RANBP17: variants seen among roughly 807,000 people sequenced by gnomAD.
RANBP17 encodes the protein ran-binding protein 17.
A neutral mutation model predicts 141.2 loss-of-function variants in RANBP17; 158 were observed. The observed-to-expected ratio is 1.12, with a 90% CI of 0.98 to 1.28. The LOEUF (loss-of-function observed/expected upper bound fraction) is 1.28, where lower values mean the gene tolerates loss of function less well. Among genes scored for constraint, RANBP17 ranks in the 50% most tolerant of loss-of-function variants. The probability of loss-of-function intolerance (pLI) is 0.00; values close to 1 mark genes in which losing one functional copy is unlikely to be tolerated. For missense variants in RANBP17, 1,438 were observed against 1,290.7 expected (o/e 1.11, Z -1.75); for synonymous variants, 430 against 450.0 (o/e 0.96, Z 0.56).
chr5:171,002,908 G>T (rs1779318467), intron 14 of RANBP17, among the ~76,000 whole-genome samples: 1 of 152,172 alleles, frequency 6.6e-6, no homozygotes, highest in Admixed American at 6.5e-5. Context: ...TGAAGTCTGG[G>T]TCAGGAACAA....
chr5:171,268,051 A>G (rs1444439616), intron 25 of RANBP17, among the ~76,000 whole-genome samples: 1 of 152,174 alleles, frequency 6.6e-6, no homozygotes, highest in East Asian at 1.9e-4. Flanking sequence ...TGACCCTGGA[A>G]CTGTTACAAC....
rs397882114 is a variant in RANBP17, at chr5:171,258,159, A to ACC, written c.2777-7519_2777-7518dup. Among the ~76,000 whole-genome samples the ACC allele has an allele frequency of 7.1e-4, 95 of 133,164 alleles. 1 individual carries two copies. In the South Asian group the frequency reaches 9.2e-3, roughly 13 times the overall value. 87.4% of individuals were successfully genotyped at this position (133,164 alleles called of 152,430 possible). A position where few individuals can be genotyped will look rare whatever the true frequency, so the allele number is the denominator to read the frequency against. On this transcript the variant is annotated intron_variant, in intron 24 of 27. Coordinates refer to ENST00000523189, the MANE Select transcript of RANBP17 (RefSeq NM_022897.5). ...CACACACACACACACACACACACAC[A>ACC]CCCCTAGGAATGCATTTAACCAAGA...
In RANBP17 at chr5:171,286,096, C is replaced by T. The variant is rs369157872; in HGVS notation, c.2944-7787C>T. The stretch of plus-strand genomic sequence containing the variant: ...GATGTAACAATGGTTGGAAGAGTTT[C>T]TTAATTTTTGAAGCAATTAATCACT... On this transcript the variant is annotated intron_variant, in intron 25 of 27. Transcript: ENST00000523189. 1.3e-3 allele frequency among the ~76,000 whole-genome samples: 205 copies of T among 152,282 alleles called. 11 individuals are homozygous for T. In the South Asian group the frequency reaches 0.041, roughly 31 times the overall value.
In RANBP17 at chr5:171,087,703, C is replaced by CTTTTTCATTT. The variant is rs1449580642; in HGVS notation, c.1711-82424_1711-82423insTTCATTTTTT. 2.6e-3 allele frequency among the ~76,000 whole-genome samples: 390 copies of CTTTTTCATTT among 151,038 alleles called. 1 individual carries two copies. Among genetic ancestry groups the CTTTTTCATTT allele is most frequent in the African/African-American group, 9.2e-3 (380 of 41,134 alleles). ...TTAGCTCTTCTTGTTGAATTGATCC[C>CTTTTTCATTT]TTTACCATTATGTAATGGCCTTCTT... On this transcript the variant is annotated intron_variant, in intron 14 of 27. Coordinates refer to ENST00000523189, the MANE Select transcript of RANBP17 (RefSeq NM_022897.5).
At chr5:171,107,084 G>A (rs911882403) in intron 14 of RANBP17, among the ~76,000 whole-genome samples, 1 of 152,008 alleles carries the variant, frequency 6.6e-6, no homozygotes. Flanking sequence ...TGTAGCCATG[G>A]TTGAAAGCTT....
intron 3 of RANBP17, among the ~76,000 whole-genome samples, chr5:170,891,458 GT>G (rs1053700318): frequency 3.3e-5 from 5 of 152,126 alleles, no homozygotes; most frequent in Admixed American, 2.6e-4. Context: ...AGGTATATGC[GT>G]TTTGTTCAGT....
chr5:171,142,748 C>G (rs1757789388), intron 14 of RANBP17, among the ~76,000 whole-genome samples: 1 of 152,254 alleles, frequency 6.6e-6, no homozygotes, highest in South Asian at 2.1e-4. Context: ...ATGCTGGATA[C>G]TTTATTTACT....
At chr5:170,972,128 G>A (rs1333344335) in intron 14 of RANBP17, among the ~76,000 whole-genome samples, 1 of 150,416 alleles carries the variant, frequency 6.6e-6, no homozygotes, top group Non-Finnish European at 1.5e-5. Flanking sequence ...ACAAAACACA[G>A]CACTGTTAAC....
chr5:171,206,155 AAC>A, intron 20 of RANBP17: 6 of 169,342 alleles, frequency 3.5e-5, no homozygotes, highest in Non-Finnish European at 6.3e-5. Flanking sequence ...AAAAAAAAAA[AAC>A]CCCCCACAGA....
chr5:170,995,268 A>C (rs1214944044), intron 14 of RANBP17, among the ~76,000 whole-genome samples: 3 of 152,022 alleles, frequency 2.0e-5, no homozygotes, highest in Non-Finnish European at 4.4e-5. Context: ...TTTTGCATTT[A>C]CCATGTTGTC....
intron 18 of RANBP17, among the ~76,000 whole-genome samples, chr5:171,196,251 T>C (rs1048671731): frequency 5.3e-5 from 8 of 152,200 alleles, no homozygotes; most frequent in African/African-American, 1.9e-4. Flanking sequence ...GACAGTTAAG[T>C]AGAATTGCTG....
At chr5:171,096,367 T>C (rs1336490004) in intron 14 of RANBP17, among the ~76,000 whole-genome samples, 7 of 152,166 alleles carry the variant, frequency 4.6e-5, no homozygotes, top group Non-Finnish European at 1.0e-4. Flanking sequence ...AAAAAGGATT[T>C]GAAGCAAAAG....
intron 14 of RANBP17, among the ~76,000 whole-genome samples, chr5:171,103,469 C>T (rs565468095): frequency 6.6e-6 from 1 of 152,232 alleles, no homozygotes; most frequent in African/African-American, 2.4e-5. Context: ...CTCAAGCATC[C>T]CAGGTCGACT....
At chr5:170,936,063 C>T (rs1000246453) in intron 12 of RANBP17, among the ~76,000 whole-genome samples, 6 of 152,152 alleles carry the variant, frequency 3.9e-5, no homozygotes, top group African/African-American at 7.2e-5. Flanking sequence ...TAGCAGTGAG[C>T]GAGGCTCCGT....
rs547178346 is a variant in RANBP17, at chr5:171,108,982, A to G, written c.1711-61148A>G. Among the ~76,000 whole-genome samples the G allele has an allele frequency of 5.3e-5, 8 of 152,278 alleles. No homozygotes were observed. The East Asian group carries it at 9.7e-4, about 18-fold the overall frequency. On this transcript the variant is annotated intron_variant, in intron 14 of 27. Coordinates refer to ENST00000523189, the MANE Select transcript of RANBP17 (RefSeq NM_022897.5). ...CTTGAGGAGCCCCTATCCCAAACCA[A>G]AACTACTGAAGCTGATCACACAGGT...
intron 14 of RANBP17, among the ~76,000 whole-genome samples, chr5:170,994,937 TA>T (rs1778719568): frequency 6.6e-6 from 1 of 152,078 alleles, no homozygotes; most frequent in Non-Finnish European, 1.5e-5. Context: ...TAAGAATTTG[TA>T]ACTGGTAAAT....
At chr5:171,177,534 C>T (rs1408851302) in intron 16 of RANBP17, among the ~76,000 whole-genome samples, 3 of 152,130 alleles carry the variant, frequency 2.0e-5, no homozygotes, top group Non-Finnish European at 4.4e-5. Context: ...TTTACCTACC[C>T]CTTGATAACC....
intron 14 of RANBP17, among the ~76,000 whole-genome samples, chr5:171,095,381 G>C (rs1282221622): frequency 5.9e-5 from 9 of 152,088 alleles, no homozygotes; most frequent in Non-Finnish European, 5.9e-5. Flanking sequence ...ATCACAACAG[G>C]TACAGAAATA....
intron 14 of RANBP17, among the ~76,000 whole-genome samples, chr5:170,991,668 G>A (rs752270999): frequency 4.0e-5 from 6 of 151,850 alleles, no homozygotes; most frequent in African/African-American, 7.3e-5. Context: ...CTTTTTCTGC[G>A]TATCAGTTTC....
Sources: gnomAD v4.1 joint callset for allele counts (sites outside exome capture counted in the v4.1 genomes callset) on GRCh38, gnomAD v4.1.1 for gene constraint, MANE v1.5 for transcripts, NCBI Gene and HGNC (gene_info 2026-07-23, HGNC 2026-07-21) for gene names.